SHC2: variants seen among roughly 807,000 people sequenced by gnomAD.
The protein encoded by SHC2 is SHC-transforming protein 2.
In SHC2, 62 loss-of-function variants were observed where a neutral mutation model predicts 60.6. The observed-to-expected ratio is 1.02, with a 90% CI of 0.83 to 1.26. The LOEUF is 1.26. SHC2 is among the 50% of genes most tolerant of loss of function. The pLI, the probability that SHC2 is intolerant of heterozygous loss-of-function variation, is 0.00. For synonymous variants in SHC2, 375 were observed against 372.4 expected, an observed-to-expected ratio of 1.01 and a Z score of -0.08; for missense variants, 873 against 822.2, an observed-to-expected ratio of 1.06 and a Z score of -0.76.
chr19:426,514 G>A (rs565768479), intron 9 of SHC2, among the ~76,000 whole-genome samples: 6 of 101,582 alleles, frequency 5.9e-5, no homozygotes, highest in Non-Finnish European at 1.0e-4. Flanking sequence ...GGCAGAGTCC[G>A]GGGAGGGAGG....
At position 438,632 on chromosome 19, in the gene SHC2, C is replaced by A; in HGVS notation, c.720+86G>T. On this transcript the variant is annotated intron_variant, in intron 4 of 12. Coordinates refer to ENST00000264554, the MANE Select transcript of SHC2 (RefSeq NM_012435.3). The surrounding 1 kb of genome is among the most constrained non-coding windows in gnomAD (Gnocchi z 5.0). ...CTGGATAAACGCCACCTGCTGCCCG[C>A]CCCCAGCACCCCACCTGGCTTTGCC... The A allele has an allele frequency of 2.8e-6, 4 of 1,441,728 alleles. No homozygotes were observed. The highest frequency in any genetic ancestry group is 3.7e-6 in the Non-Finnish European group (4 of 1,073,948). The allele number at this position is 1,441,728 out of a possible 1,614,324, so 89.3% of individuals were successfully genotyped here.
rs534706136 is a variant in SHC2, at chr19:420,279, C to T, written c.1621-1223G>A. Among the ~76,000 whole-genome samples the T allele has an allele frequency of 3.8e-4, 58 of 152,276 alleles. 1 individual carries two copies. The highest frequency in any genetic ancestry group is 1.3e-3 in the African/African-American group (54 of 41,560). The stretch of plus-strand genomic sequence containing the variant: ...CAGGCAGCTCTCGCCCAAGCCCTGC[C>T]CCCTCCAGCTCTGTCCCAGGCCGGG... On this transcript the variant is annotated intron_variant, in intron 11 of 12. Coordinates refer to ENST00000264554, the MANE Select transcript of SHC2 (RefSeq NM_012435.3).
At chr19:451,658 C>T (rs1037143436) in intron 1 of SHC2, among the ~76,000 whole-genome samples, 3 of 152,166 alleles carry the variant, frequency 2.0e-5, no homozygotes, top group Non-Finnish European at 4.4e-5. Flanking sequence ...AGTGCAGTGG[C>T]GTGATCTCGG....
chr19:454,120 G>A (rs757618896), intron 1 of SHC2, among the ~76,000 whole-genome samples: 2 of 152,198 alleles, frequency 1.3e-5, no homozygotes, highest in Non-Finnish European at 2.9e-5. Context: ...TGTCCAGCAC[G>A]GCAGCTGCTT....
intron 1 of SHC2, among the ~76,000 whole-genome samples, chr19:448,830 C>T (rs967580936): frequency 5.9e-5 from 9 of 152,048 alleles, no homozygotes; most frequent in Admixed American, 3.9e-4. Context: ...GATCCCAGGA[C>T]GGAACAACTG....
chr19:457,085 C>T (rs111358901), intron 1 of SHC2, among the ~76,000 whole-genome samples: 2 of 135,420 alleles, frequency 1.5e-5, no homozygotes, highest in African/African-American at 5.6e-5. Context: ...GTCTGCAAAC[C>T]CCACCACATC....
At chr19:437,166 A>G (rs1207562837) in intron 4 of SHC2, among the ~76,000 whole-genome samples, 1 of 151,966 alleles carries the variant, frequency 6.6e-6, no homozygotes, top group Non-Finnish European at 1.5e-5. Flanking sequence ...TTGTTTGCCT[A>G]CTGATCTGCA....
intron 1 of SHC2, among the ~76,000 whole-genome samples, chr19:447,987 G>C (rs1020158714): frequency 6.6e-6 from 1 of 152,216 alleles, no homozygotes; most frequent in African/African-American, 2.4e-5. Flanking sequence ...TGTCTCCCCA[G>C]ATCACGTTCC....
chr19:448,092 C>T (rs1369478304), intron 1 of SHC2, among the ~76,000 whole-genome samples: 4 of 152,214 alleles, frequency 2.6e-5, no homozygotes, highest in African/African-American at 4.8e-5. Flanking sequence ...GAGTGGCTCC[C>T]GGGGCGTGCA....
intron 1 of SHC2, among the ~76,000 whole-genome samples, chr19:449,027 G>T (rs1213547021): frequency 6.6e-6 from 1 of 152,074 alleles, no homozygotes; most frequent in Non-Finnish European, 1.5e-5. Context: ...AAGTAGCCAG[G>T]CATGGTGGTG....
chr19:436,721 C>T (rs369231819), intron 4 of SHC2, 38 bp from the exon 5 acceptor site: 243 of 1,585,706 alleles, frequency 1.5e-4, no homozygotes, highest in South Asian at 3.3e-4. Flanking sequence ...ATGGGGGCCC[C>T]GCTTCGAGGG....
intron 1 of SHC2, among the ~76,000 whole-genome samples, chr19:458,488 C>G (rs377374179): frequency 1.1e-3 from 35 of 30,940 alleles, no homozygotes; most frequent in East Asian, 1.6e-3. Flanking sequence ...TTCCGGGGGA[C>G]GGGGAAGCAG....
At chr19:442,122 G>A (rs1444787511) in intron 1 of SHC2, among the ~76,000 whole-genome samples, 2 of 152,202 alleles carry the variant, frequency 1.3e-5, no homozygotes, top group African/African-American at 2.4e-5. Flanking sequence ...ACTTAAGCAG[G>A]GCATGGACTA....
chr19:429,680 C>T (rs1012606425), intron 9 of SHC2, among the ~76,000 whole-genome samples: 3 of 144,342 alleles, frequency 2.1e-5, no homozygotes, highest in Non-Finnish European at 1.5e-5. Context: ...GTGGATGACG[C>T]AGTACCTATA....
intron 1 of SHC2, among the ~76,000 whole-genome samples, chr19:459,240 AGC>A (rs1975473575): frequency 7.1e-6 from 1 of 141,844 alleles, no homozygotes; most frequent in South Asian, 2.1e-4. Context: ...CACTGAACCC[AGC>A]GTAGGGGGAA....
rs535901243 is a variant in SHC2 at position 430,994 on chromosome 19, A to G, written c.1111-247T>C. Among the ~76,000 whole-genome samples the G allele has an allele frequency of 1.4e-4, 21 of 152,274 alleles. No individual in the cohort carries two copies. The South Asian group carries it at 4.1e-3, about 30-fold the overall frequency. Reference sequence around the variant, plus strand: ...GGTCAGCACATCCTGCCACCTTGCAATGGCTGTTCCCCCTGCCTGGATAAC... The same window carrying G: ...GGTCAGCACATCCTGCCACCTTGCAGTGGCTGTTCCCCCTGCCTGGATAAC... On this transcript the variant is annotated intron_variant, in intron 8 of 12. Coordinates refer to ENST00000264554, the MANE Select transcript of SHC2 (RefSeq NM_012435.3).
chr19:450,442 C>T (rs539276614), intron 1 of SHC2, among the ~76,000 whole-genome samples: 1 of 152,180 alleles, frequency 6.6e-6, no homozygotes, highest in Non-Finnish European at 1.5e-5. Flanking sequence ...CCACCACCAC[C>T]GTCTCTCCAG....
chr19:418,593 G>A (rs1227932265), intron 12 of SHC2, among the ~76,000 whole-genome samples: 1 of 152,250 alleles, frequency 6.6e-6, no homozygotes, highest in African/African-American at 2.4e-5. Flanking sequence ...CTCAGTGAGA[G>A]ACGCCAGACA....
chr19:434,970 CA>C (rs66515471), intron 7 of SHC2, 105 bp from the exon 8 acceptor site: 37,050 of 1,230,162 alleles, frequency 0.03, 2,507 homozygotes, highest in East Asian at 0.24. Flanking sequence ...GTTCGAATCC[CA>C]GCCCCCCACC....
Sources: gnomAD v4.1 joint callset for allele counts (sites outside exome capture counted in the v4.1 genomes callset) on GRCh38, gnomAD v4.1.1 for gene constraint, Gnocchi (gnomAD v3.1) non-coding constraint, MANE v1.5 for transcripts, NCBI Gene and HGNC (gene_info 2026-07-23, HGNC 2026-07-21) for gene names.